ZNF98: variants seen among roughly 807,000 people sequenced by gnomAD.
ZNF98 encodes the protein zinc finger protein 98.
In ZNF98, 8 loss-of-function variants were observed where a neutral mutation model predicts 12.8. That is an observed-to-expected ratio of 0.63 (90% CI 0.37 to 1.13). ZNF98 has a LOEUF of 1.13. Ranked by LOEUF, ZNF98 falls within the 50% of genes most tolerant of loss-of-function variation. The pLI, the probability that ZNF98 is intolerant of heterozygous loss-of-function variation, is 0.01. For missense variants in ZNF98, 379 were observed against 666.1 expected (o/e 0.57, Z 4.74); for synonymous variants, 112 against 223.5 (o/e 0.50, Z 4.45).
chr19:22,409,073 T>C (rs574149865), intron 1 of ZNF98, among the ~76,000 whole-genome samples: 1 of 152,258 alleles, frequency 6.6e-6, no homozygotes, highest in South Asian at 2.1e-4. Flanking sequence ...AACAACATGG[T>C]ACTGGTCCAA....
At chr19:22,397,761 A>G (rs1211215898) in intron 3 of ZNF98, among the ~76,000 whole-genome samples, 1 of 126,680 alleles carries the variant, frequency 7.9e-6, no homozygotes, top group East Asian at 2.2e-4. Flanking sequence ...TGCATTTTTG[A>G]AGAAACAGAA....
intron 1 of ZNF98, 89 bp downstream of exon 1, chr19:22,422,105 CG>C: frequency 6.6e-7 from 1 of 1,507,586 alleles, no homozygotes. Context: ...GAGCTGACAG[CG>C]GGGAGGCCTG....
chr19:22,418,812 G>A (rs1175251363), intron 1 of ZNF98, among the ~76,000 whole-genome samples: 4 of 152,314 alleles, frequency 2.6e-5, no homozygotes, highest in Admixed American at 2.0e-4. Flanking sequence ...AACCCAGGAC[G>A]CAGAGGTTGC....
In ZNF98 at chr19:22,414,139, G is replaced by T. The variant is rs369754429; in HGVS notation, c.30+8056C>A. ...AATCTCAGCTACTCGGGAAGCTGAGGCAGAGAACTGCTTGAACCCGAGAAG... is the reference window on the plus strand; with the variant it reads ...AATCTCAGCTACTCGGGAAGCTGAGTCAGAGAACTGCTTGAACCCGAGAAG... On this transcript the variant is annotated intron_variant, in intron 1 of 3. Transcript: ENST00000357774. Among the ~76,000 whole-genome samples the T allele has an allele frequency of 5.8e-4, 85 of 147,588 alleles. 1 individual carries two copies. The East Asian group carries it at 0.014, about 25-fold the overall frequency.
chr19:22,421,358 G>C (rs1430557704), intron 1 of ZNF98, among the ~76,000 whole-genome samples: 1 of 151,496 alleles, frequency 6.6e-6, no homozygotes, highest in Non-Finnish European at 1.5e-5. Context: ...GAAATGGGGT[G>C]TGGGGGGTTG....
intron 1 of ZNF98, among the ~76,000 whole-genome samples, chr19:22,420,064 G>A (rs1428976792): frequency 2.0e-5 from 3 of 152,196 alleles, no homozygotes; most frequent in Non-Finnish European, 4.4e-5. Flanking sequence ...TCGGGAGGCT[G>A]AGGCAAGAGA....
intron 1 of ZNF98, among the ~76,000 whole-genome samples, chr19:22,407,820 G>A (rs564525854): frequency 2.0e-5 from 3 of 151,700 alleles, no homozygotes; most frequent in South Asian, 2.1e-4. Context: ...CCTGTAATCC[G>A]CCACTTTGGG....
chr19:22,409,169 G>A (rs1969553878), intron 1 of ZNF98, among the ~76,000 whole-genome samples: 1 of 152,076 alleles, frequency 6.6e-6, no homozygotes, highest in Non-Finnish European at 1.5e-5. Context: ...CAACAAACGT[G>A]ACAAAAACAA....
At chr19:22,408,550 T>C (rs1378422949) in intron 1 of ZNF98, among the ~76,000 whole-genome samples, 1 of 152,192 alleles carries the variant, frequency 6.6e-6, no homozygotes, top group African/African-American at 2.4e-5. Context: ...AATTCTGTCA[T>C]CTCAGCCCAA....
chr19:22,393,683 T>C (rs1969358613), intron 3 of ZNF98, among the ~76,000 whole-genome samples: 1 of 152,068 alleles, frequency 6.6e-6, no homozygotes, highest in African/African-American at 2.4e-5. Context: ...CAAAAATTAA[T>C]TCAAAATGGA....
intron 1 of ZNF98, among the ~76,000 whole-genome samples, chr19:22,406,232 G>A (rs1969517201): frequency 6.6e-6 from 1 of 151,988 alleles, no homozygotes; most frequent in Non-Finnish European, 1.5e-5. Flanking sequence ...GCATCAGATT[G>A]TTGTTCCTTG....
chr19:22,395,272 T>G (rs1024853247), intron 3 of ZNF98, among the ~76,000 whole-genome samples: 1 of 149,478 alleles, frequency 6.7e-6, no homozygotes, highest in African/African-American at 2.5e-5. Flanking sequence ...CCTAAGAACA[T>G]GTTTGAGAGA....
Position 22,392,720 on chromosome 19 carries a change from T to C in ZNF98, c.515A>G (p.His172Arg). Residue 172 changes from histidine to arginine, a missense_variant, in exon 4 of 4, where the codon CAT becomes CGT. His to Arg is a conservative substitution (Grantham distance 29, BLOSUM62 0). This residue lies in a region of ZNF98 where 223 missense variants were observed against 261.6 expected (regional missense o/e 0.85). Coordinates refer to ENST00000357774, the MANE Select transcript of ZNF98 (RefSeq NM_001098626.2). ...VFHKFSNSNR[H>R]KIGHTGKKSF... is the part of the protein sequence containing the mutation. Reference sequence around the variant, plus strand: ...TTTCTTTCCAGTATGTCCTATCTTATGTCTGTTTGAATTTGAAAATTTATG... The same window carrying C: ...TTTCTTTCCAGTATGTCCTATCTTACGTCTGTTTGAATTTGAAAATTTATG... 7 of 1,605,548 alleles carry C rather than the reference T, an allele frequency of 4.4e-6. No homozygotes were observed. The highest frequency in any genetic ancestry group is 6.0e-6 in the Non-Finnish European group (7 of 1,175,634).
In ZNF98 at chr19:22,422,291, G is replaced by C; in HGVS notation, c.-67C>G. 1.0e-5 allele frequency: 16 copies of C among 1,593,884 alleles called. No homozygotes were observed. In the South Asian group the frequency reaches 1.1e-4, roughly 11 times the overall value. ...AGAGGCTGGGCCTCTACGAGCAGAG[G>C]ACACAGAAGGGCGAAGACGAGACCA... On this transcript the variant is annotated 5_prime_UTR_variant, in exon 1 of 4. Transcript: ENST00000357774.
At chr19:22,396,623 T>C (rs1374006161) in intron 3 of ZNF98, among the ~76,000 whole-genome samples, 2 of 152,270 alleles carry the variant, frequency 1.3e-5, no homozygotes, top group Non-Finnish European at 2.9e-5. Flanking sequence ...ACTTTTTTTT[T>C]CTACAAGAGT....
intron 1 of ZNF98, among the ~76,000 whole-genome samples, chr19:22,415,931 T>TAA (rs35543907): frequency 2.0e-4 from 19 of 96,776 alleles, no homozygotes; most frequent in African/African-American, 7.3e-4. Context: ...CGTTCCTACT[T>TAA]AAAAAAAAAA....
At chr19:22,419,350 G>C (rs1969678979) in intron 1 of ZNF98, among the ~76,000 whole-genome samples, 1 of 152,036 alleles carries the variant, frequency 6.6e-6, no homozygotes, top group Admixed American at 6.6e-5. Context: ...CAGTTTTCCA[G>C]GGCTCTGTAG....
intron 1 of ZNF98, among the ~76,000 whole-genome samples, chr19:22,416,166 A>C (rs1197925055): frequency 6.7e-6 from 1 of 149,682 alleles, no homozygotes; most frequent in African/African-American, 2.5e-5. Context: ...CAAAACAAAA[A>C]AATTTAAGAA....
chr19:22,411,716 A>G (rs112306722), intron 1 of ZNF98, among the ~76,000 whole-genome samples: 6,436 of 152,330 alleles, frequency 0.042, 467 homozygotes, highest in African/African-American at 0.15. Flanking sequence ...CGTTAATAAA[A>G]CAGAGATAAA....
Sources: allele counts gnomAD v4.1 joint callset (sites outside exome capture counted in the v4.1 genomes callset), GRCh38; gene constraint gnomAD v4.1.1; regional missense constraint gnomAD v4.1.1; transcripts MANE v1.5; gene names NCBI Gene and HGNC (gene_info 2026-07-23, HGNC 2026-07-21).